Variants in STK3 observed in about 807,000 individuals in gnomAD.
STK3 encodes serine/threonine-protein kinase 3.
A neutral mutation model predicts 58.0 loss-of-function variants in STK3; 41 were observed. The ratio of observed to expected loss-of-function variants is 0.71; its 90% confidence interval spans 0.55 to 0.92. The LOEUF (loss-of-function observed/expected upper bound fraction) is 0.92. STK3 is among the 40% of genes least tolerant of loss of function. The pLI, the probability that STK3 is intolerant of heterozygous loss-of-function variation, is 0.00. For missense variants in STK3, 479 were observed against 602.7 expected, an observed-to-expected ratio of 0.79 and a Z score of 2.15; for synonymous variants, 170 against 191.0, an observed-to-expected ratio of 0.89 and a Z score of 0.91.
intron 6 of STK3, among the ~76,000 whole-genome samples, chr8:98,685,363 C>G (rs939794052): frequency 2.6e-5 from 4 of 152,106 alleles, no homozygotes; most frequent in Admixed American, 6.5e-5. Flanking sequence ...GGTTAGAATA[C>G]AGACGAAGAG....
chr8:98,713,632 T>A (rs1274790419), intron 4 of STK3, among the ~76,000 whole-genome samples: 2 of 152,128 alleles, frequency 1.3e-5, no homozygotes, highest in Non-Finnish European at 1.5e-5. Flanking sequence ...GAGGCAATAA[T>A]TAATAGCTTA....
chr8:98,803,642 AC>A (rs1564017333), intron 1 of STK3, among the ~76,000 whole-genome samples: 1 of 151,686 alleles, frequency 6.6e-6, no homozygotes, highest in Non-Finnish European at 1.5e-5. Context: ...AAAAACAATA[AC>A]CTGTTAATCA....
At chr8:98,468,972 G>A (rs1433575373) in intron 10 of STK3, among the ~76,000 whole-genome samples, 1 of 152,134 alleles carries the variant, frequency 6.6e-6, no homozygotes, top group African/African-American at 2.4e-5. Flanking sequence ...AGCTGGGCGA[G>A]GTGGCGGGTG....
chr8:98,903,486 AGTT>A (rs1349021887), intron 1 of STK3, among the ~76,000 whole-genome samples: 3 of 142,890 alleles, frequency 2.1e-5, no homozygotes, highest in African/African-American at 2.7e-5. Context: ...CAATTTAGGA[AGTT>A]CTTCTTCTTC....
chr8:98,796,085 T>G (rs1444828439), intron 1 of STK3, among the ~76,000 whole-genome samples: 1 of 152,008 alleles, frequency 6.6e-6, no homozygotes, highest in African/African-American at 2.4e-5. Context: ...ATACACAGAT[T>G]CAACACTATT....
chr8:98,736,264 G>A (rs1411120830), intron 4 of STK3, among the ~76,000 whole-genome samples: 3 of 152,138 alleles, frequency 2.0e-5, no homozygotes, highest in Non-Finnish European at 4.4e-5. Context: ...AACATTTTCA[G>A]CTGGGCCTTC....
chr8:98,606,778 G>A (rs1816806890), intron 6 of STK3, among the ~76,000 whole-genome samples: 1 of 152,144 alleles, frequency 6.6e-6, no homozygotes, highest in African/African-American at 2.4e-5. Flanking sequence ...ACAATCATAT[G>A]GGTCTCTTCA....
rs1232933670 is a variant in STK3 at position 98,707,324 on chromosome 8, AT to A, written c.352-14del. 4 of 1,496,748 alleles carry A rather than the reference AT, an allele frequency of 2.7e-6. No individual in the cohort carries two copies. The highest frequency in any genetic ancestry group is 3.6e-6 in the Non-Finnish European group (4 of 1,115,352). 92.7% of individuals were successfully genotyped at this position (1,496,748 alleles called of 1,614,324 possible). ...CATCTTCTATTAACTGGAAAGAAATATTTTTAAAACCATAATTAAAATGCCA... is the reference window on the plus strand; with the variant it reads ...CATCTTCTATTAACTGGAAAGAAATATTTTAAAACCATAATTAAAATGCCA... On this transcript the variant is annotated splice_polypyrimidine_tract_variant and intron_variant, in intron 4 of 10. Coordinates refer to ENST00000419617, the MANE Select transcript of STK3 (RefSeq NM_006281.4).
intron 10 of STK3, among the ~76,000 whole-genome samples, chr8:98,457,062 GA>G (rs1261247481): frequency 6.6e-6 from 1 of 152,214 alleles, no homozygotes; most frequent in Non-Finnish European, 1.5e-5. Flanking sequence ...CTTCCATGAT[GA>G]TGACTTTGAA....
chr8:98,812,030 G>A (rs765906939), intron 1 of STK3, among the ~76,000 whole-genome samples: 2 of 152,074 alleles, frequency 1.3e-5, no homozygotes, highest in Admixed American at 6.6e-5. Context: ...GGCTGTTCTC[G>A]AACTTCTGAT....
chr8:98,533,533 G>A (rs1339245750), intron 9 of STK3, among the ~76,000 whole-genome samples: 1 of 152,128 alleles, frequency 6.6e-6, no homozygotes, highest in African/African-American at 2.4e-5. Flanking sequence ...TGTCTCCCAT[G>A]CTGGAGTGCA....
chr8:98,926,095 C>T (rs928791738), intron 1 of STK3, among the ~76,000 whole-genome samples: 3 of 152,100 alleles, frequency 2.0e-5, no homozygotes, highest in African/African-American at 7.2e-5. Context: ...TGATAGGAAC[C>T]AGAATGTCTG....
chr8:98,866,313 G>A (rs536580528), intron 3 of STK3, among the ~76,000 whole-genome samples: 13 of 152,190 alleles, frequency 8.5e-5, no homozygotes, highest in Non-Finnish European at 1.8e-4. Context: ...AGCTACCTAT[G>A]TAGTGTAATT....
At position 98,874,863 on chromosome 8, in the gene STK3, A is replaced by G. The variant is rs186290000; in HGVS notation, c.110+8784T>C. Among the ~76,000 whole-genome samples, 66 of 151,858 alleles carry G rather than the reference A, an allele frequency of 4.3e-4. 1 individual carries two copies. The East Asian group carries it at 0.012, about 28-fold the overall frequency. ...GGTCTCAAACTCCTGGCCTTAAGCA[A>G]TCCCCTCACCCTAGCCTCCCAAACA... On this transcript the variant is annotated intron_variant, in intron 3 of 12. Transcript: ENST00000523601.
chr8:98,748,027 A>C (rs1829753300), intron 4 of STK3, among the ~76,000 whole-genome samples: 1 of 152,206 alleles, frequency 6.6e-6, no homozygotes, highest in Admixed American at 6.5e-5. Flanking sequence ...TATTGGCAAC[A>C]AGCATTAAAC....
At chr8:98,587,341 T>G (rs1278792663) in intron 7 of STK3, among the ~76,000 whole-genome samples, 1 of 152,032 alleles carries the variant, frequency 6.6e-6, no homozygotes, top group African/African-American at 2.4e-5. Context: ...ATTTCTGCCT[T>G]CATTTCGTTA....
chr8:98,468,730 A>G (rs1418025574), intron 10 of STK3, among the ~76,000 whole-genome samples: 6 of 152,236 alleles, frequency 3.9e-5, no homozygotes, highest in African/African-American at 1.4e-4. Context: ...TCAAATCTTC[A>G]ACTTTCTGAA....
At chr8:98,724,136 T>C (rs1035994939) in intron 4 of STK3, among the ~76,000 whole-genome samples, 2 of 152,204 alleles carry the variant, frequency 1.3e-5, no homozygotes, top group Non-Finnish European at 2.9e-5. Context: ...TACTAAGCGA[T>C]GCCTGCAACA....
chr8:98,351,081 A>C, the STK3 span, among the ~76,000 whole-genome samples: 1 of 152,220 alleles, frequency 6.6e-6, no homozygotes, highest in African/African-American at 2.4e-5. Flanking sequence ...TGTGAGCCCA[A>C]AACTGTATAT....
Sources: allele counts gnomAD v4.1 joint callset (sites outside exome capture counted in the v4.1 genomes callset), GRCh38; gene constraint gnomAD v4.1.1; transcripts MANE v1.5; gene names NCBI Gene and HGNC (gene_info 2026-07-23, HGNC 2026-07-21).